The following ACSBG2 variants were observed in gnomAD, a reference collection of about 807,000 sequenced individuals.
ACSBG2 encodes long-chain-fatty-acid--CoA ligase ACSBG2.
A neutral mutation model predicts 74.7 loss-of-function variants in ACSBG2; 62 were observed. The observed-to-expected ratio is 0.83, with a 90% CI of 0.68 to 1.03. The LOEUF (loss-of-function observed/expected upper bound fraction) is 1.03, where lower values mean the gene tolerates loss of function less well. ACSBG2 is among the 50% of genes least tolerant of loss of function. ACSBG2 has a pLI of 0.00. For synonymous variants in ACSBG2, 309 were observed against 294.1 expected (o/e 1.05, Z -0.52); for missense variants, 730 against 817.6 (o/e 0.89, Z 1.31).
At chr19:6,144,978 T>C (rs2088974916) in intron 2 of ACSBG2, among the ~76,000 whole-genome samples, 1 of 151,836 alleles carries the variant, frequency 6.6e-6, no homozygotes, top group East Asian at 1.9e-4. Context: ...ATTACAGGCA[T>C]GAACCAGCCT....
chr19:6,158,440 GTT>G (rs57823634), intron 5 of ACSBG2, among the ~76,000 whole-genome samples: 1,542 of 135,232 alleles, frequency 0.011, 31 homozygotes, highest in African/African-American at 0.04. Flanking sequence ...GCTGTCTTAC[GTT>G]TTTTTTTTTT....
At chr19:6,188,541 C>T (rs984349964) in intron 13 of ACSBG2, among the ~76,000 whole-genome samples, 2 of 152,058 alleles carry the variant, frequency 1.3e-5, no homozygotes, top group Admixed American at 1.3e-4. Context: ...CTGAGAGGAT[C>T]GCTTGAGCCC....
chr19:6,166,291 TGTG>T (rs2089805341), intron 7 of ACSBG2, among the ~76,000 whole-genome samples: 3 of 145,884 alleles, frequency 2.1e-5, no homozygotes, highest in African/African-American at 7.7e-5. Flanking sequence ...TGTGTGTGTG[TGTG>T]TGTGTGTGTG....
intron 7 of ACSBG2, among the ~76,000 whole-genome samples, chr19:6,169,326 C>G (rs2089901680): frequency 6.6e-6 from 1 of 152,148 alleles, no homozygotes; most frequent in Admixed American, 6.5e-5. Context: ...GCCAGTTTTC[C>G]CAGCACCACT....
At position 6,185,874 on chromosome 19, in the gene ACSBG2, A is replaced by T. The variant is rs1003973924; in HGVS notation, c.1540+221A>T. ...CCGTGGTCCACCCTCAGGAGGATGGACCTGCAAAAGACAAGCCTTGGAACC... is the reference window on the plus strand; with the variant it reads ...CCGTGGTCCACCCTCAGGAGGATGGTCCTGCAAAAGACAAGCCTTGGAACC... On this transcript the variant is annotated intron_variant, in intron 11 of 14. Coordinates refer to ENST00000588485, the MANE Select transcript of ACSBG2 (RefSeq NM_030924.5). Among the ~76,000 whole-genome samples, 18 of 152,216 alleles carry T rather than the reference A, an allele frequency of 1.2e-4. No homozygotes were observed. The East Asian group carries it at 3.3e-3, about 28-fold the overall frequency.
At chr19:6,190,893 T>C in intron 14 of ACSBG2, 1 of 461,372 alleles carries the variant, frequency 2.2e-6, no homozygotes, top group Non-Finnish European at 4.0e-6. Flanking sequence ...CTTCAACTCA[T>C]GCTGTCTCTA....
chr19:6,183,810 T>G (rs1428799144), intron 10 of ACSBG2, among the ~76,000 whole-genome samples: 2 of 152,186 alleles, frequency 1.3e-5, no homozygotes, highest in Non-Finnish European at 2.9e-5. Context: ...TTTATTAAAT[T>G]TTAATTAGAG....
chr19:6,148,115 A>G (rs927370198), intron 3 of ACSBG2: 1 of 182,298 alleles, frequency 5.5e-6, no homozygotes, highest in African/African-American at 2.4e-5. Context: ...AGCTACTTTG[A>G]AATTGGGTTC....
chr19:6,135,797 G>C lies in ACSBG2; in HGVS notation c.-144G>C, dbSNP rs2088541395. On this transcript the variant is annotated 5_prime_UTR_variant, in exon 1 of 15. Coordinates refer to ENST00000588485, the MANE Select transcript of ACSBG2 (RefSeq NM_030924.5). ...GCAGCTCATGTTCAGGTTTCCAGGAGGGGCTACCTGTTGACTGTCTTTGCA... is the reference window on the plus strand; with the variant it reads ...GCAGCTCATGTTCAGGTTTCCAGGACGGGCTACCTGTTGACTGTCTTTGCA... The C allele has an allele frequency of 1.3e-5, 2 of 152,248 alleles. No homozygotes were observed. The highest frequency in any genetic ancestry group is 4.8e-5 in the African/African-American group (2 of 41,428). 9.4% of individuals were successfully genotyped at this position (152,248 alleles called of 1,614,324 possible).
chr19:6,158,320 G>A (rs1205181307), intron 5 of ACSBG2, among the ~76,000 whole-genome samples: 1 of 152,026 alleles, frequency 6.6e-6, no homozygotes, highest in Admixed American at 6.6e-5. Context: ...GTCTCCCAAA[G>A]TGCTGGGATT....
At chr19:6,184,614 GAA>G (rs773413408) in intron 10 of ACSBG2, among the ~76,000 whole-genome samples, 6 of 125,626 alleles carry the variant, frequency 4.8e-5, no homozygotes, top group South Asian at 2.5e-4. Flanking sequence ...CTATCTCTAG[GAA>G]AAAAAAAAAA....
intron 7 of ACSBG2, among the ~76,000 whole-genome samples, chr19:6,168,901 C>T (rs1247849780): frequency 3.3e-5 from 5 of 152,120 alleles, no homozygotes; most frequent in Admixed American, 3.3e-4. Context: ...GCCTCAGCCT[C>T]CCAAGCAGCT....
At chr19:6,137,954 T>C (rs2088648199) in intron 1 of ACSBG2, among the ~76,000 whole-genome samples, 1 of 152,210 alleles carries the variant, frequency 6.6e-6, no homozygotes, top group Non-Finnish European at 1.5e-5. Context: ...ATGCTTGGCA[T>C]TCATTTTTAT....
At chr19:6,147,909 G>T (rs2089097511) in intron 3 of ACSBG2, among the ~76,000 whole-genome samples, 2 of 151,958 alleles carry the variant, frequency 1.3e-5, no homozygotes, top group South Asian at 4.2e-4. Context: ...AATATAAAAT[G>T]AAATTTTTAT....
intron 7 of ACSBG2, chr19:6,176,526 T>C: frequency 3.8e-6 from 2 of 522,842 alleles, no homozygotes; most frequent in Non-Finnish European, 6.0e-6. Flanking sequence ...TCAGCCAGAC[T>C]GCAGCACAGA....
At chr19:6,188,057 C>T (rs1242948314) in intron 13 of ACSBG2, among the ~76,000 whole-genome samples, 1 of 152,188 alleles carries the variant, frequency 6.6e-6, no homozygotes, top group Non-Finnish European at 1.5e-5. Context: ...TACAATCTCT[C>T]GCCTGCTGAC....
intron 6 of ACSBG2, among the ~76,000 whole-genome samples, chr19:6,162,264 CAAA>C (rs57505930): frequency 1.6e-5 from 1 of 62,890 alleles, no homozygotes; most frequent in Non-Finnish European, 2.8e-5. Flanking sequence ...GACTCTGTCT[CAAA>C]AAAAAAAAAA....
intron 6 of ACSBG2, among the ~76,000 whole-genome samples, chr19:6,163,184 T>A (rs2089682860): frequency 7.1e-6 from 1 of 141,076 alleles, no homozygotes; most frequent in South Asian, 2.4e-4. Flanking sequence ...GCACAGTGGC[T>A]CACACCTGTA....
chr19:6,162,264 CAA>C (rs57505930), intron 6 of ACSBG2, among the ~76,000 whole-genome samples: 3 of 62,868 alleles, frequency 4.8e-5, no homozygotes, highest in African/African-American at 1.5e-4. Context: ...GACTCTGTCT[CAA>C]AAAAAAAAAA....
Sources: allele counts gnomAD v4.1 joint callset (sites outside exome capture counted in the v4.1 genomes callset), GRCh38; gene constraint gnomAD v4.1.1; transcripts MANE v1.5; gene names NCBI Gene and HGNC (gene_info 2026-07-23, HGNC 2026-07-21).